The following NRG1 variants were observed in gnomAD, a reference collection of about 807,000 sequenced individuals.
NRG1 encodes pro-neuregulin-1, membrane-bound isoform.
A neutral mutation model predicts 63.8 loss-of-function variants in NRG1; 18 were observed. The observed-to-expected ratio is 0.28, with a 90% CI of 0.19 to 0.42. NRG1 has a LOEUF of 0.42. NRG1 is among the 10% of genes least tolerant of loss of function. The pLI, the probability that NRG1 is intolerant of heterozygous loss-of-function variation, is 1.00. For missense variants in NRG1, 762 were observed against 814.7 expected (o/e 0.94, Z 0.79); for synonymous variants, 302 against 301.3 (o/e 1.00, Z -0.02).
At chr8:32,650,344 A>T (rs923888171) in intron 5 of NRG1, among the ~76,000 whole-genome samples, 2 of 152,176 alleles carry the variant, frequency 1.3e-5, no homozygotes, top group African/African-American at 4.8e-5. Context: ...TTTGAAGTGC[A>T]TCGGAGATAA....
intron 1 of NRG1, among the ~76,000 whole-genome samples, chr8:32,032,744 A>G (rs1480938782): frequency 6.6e-6 from 1 of 152,146 alleles, no homozygotes; most frequent in Non-Finnish European, 1.5e-5. Context: ...CTCTAATGAA[A>G]ATTTCTTTTG....
rs145209351 is a variant in NRG1, at chr8:31,878,126, G to A, written c.37+238695G>A. Among the ~76,000 whole-genome samples the A allele has an allele frequency of 3.2e-3, 492 of 152,252 alleles. 3 individuals carry two copies. The highest frequency in any genetic ancestry group is 0.011 in the African/African-American group (468 of 41,544). The stretch of plus-strand genomic sequence containing the variant: ...GAAATAAAGTACAAACCGTCAGTCT[G>A]CATGCAAACTGTAGTTACTGTATTC... On this transcript the variant is annotated intron_variant, in intron 1 of 10. Coordinates refer to the NRG1 transcript ENST00000519301.
intron 1 of NRG1, among the ~76,000 whole-genome samples, chr8:31,934,709 AC>A (rs1198975108): frequency 6.6e-6 from 1 of 151,642 alleles, no homozygotes; most frequent in Non-Finnish European, 1.5e-5. Context: ...ATTTAATGAA[AC>A]TTTTTTTGTG....
intron 1 of NRG1, among the ~76,000 whole-genome samples, chr8:32,440,280 G>A (rs1222571610): frequency 2.6e-5 from 4 of 152,110 alleles, no homozygotes; most frequent in Non-Finnish European, 5.9e-5. Flanking sequence ...AGGTTTGGTT[G>A]TGGACACAGA....
At chr8:32,507,077 C>T (rs1370051420) in intron 1 of NRG1, among the ~76,000 whole-genome samples, 2 of 151,840 alleles carry the variant, frequency 1.3e-5, no homozygotes, top group Non-Finnish European at 2.9e-5. Flanking sequence ...GGTTTTTGCC[C>T]TCAAAATTCT....
At chr8:31,967,026 G>T (rs1006536469) in intron 1 of NRG1, among the ~76,000 whole-genome samples, 2 of 152,062 alleles carry the variant, frequency 1.3e-5, no homozygotes, top group Admixed American at 6.6e-5. Flanking sequence ...TTTTGTTTGG[G>T]ATCATATTAA....
At chr8:32,470,810 T>C (rs545866622) in intron 1 of NRG1, among the ~76,000 whole-genome samples, 115 of 152,202 alleles carry the variant, frequency 7.6e-4, no homozygotes, top group South Asian at 3.3e-3. Context: ...TCTTTTTTTT[T>C]TTCTTCTTCA....
At chr8:32,597,686 A>G (rs1046042759) in intron 2 of NRG1, among the ~76,000 whole-genome samples, 1 of 152,162 alleles carries the variant, frequency 6.6e-6, no homozygotes, top group African/African-American at 2.4e-5. Flanking sequence ...TATAACTAGT[A>G]AGAGACTCAG....
intron 1 of NRG1, among the ~76,000 whole-genome samples, chr8:32,153,867 G>T (rs553100293): frequency 6.6e-6 from 1 of 152,328 alleles, no homozygotes; most frequent in South Asian, 2.1e-4. Flanking sequence ...GGTCTGAAAA[G>T]TTAGGTGGGA....
At chr8:32,728,221 A>C in intron 6 of NRG1, 143 bp downstream of exon 6, 2 of 1,464,980 alleles carry the variant, frequency 1.4e-6, no homozygotes, top group Non-Finnish European at 9.0e-7. Flanking sequence ...AGTGTTTTAA[A>C]ACATTCACAC....
intron 1 of NRG1, among the ~76,000 whole-genome samples, chr8:32,041,358 CCCTGTCTGT>C (rs1384860924): frequency 2.0e-5 from 3 of 152,164 alleles, no homozygotes; most frequent in African/African-American, 7.2e-5. Context: ...ACATACTGTG[CCCTGTCTGT>C]CCTACTGAAT....
intron 1 of NRG1, among the ~76,000 whole-genome samples, chr8:32,459,035 T>C (rs1821966829): frequency 6.6e-6 from 1 of 152,216 alleles, no homozygotes; most frequent in African/African-American, 2.4e-5. Flanking sequence ...CATATACTGA[T>C]GACACCTAAC....
At chr8:31,785,027 C>T (rs761305252) in intron 1 of NRG1, among the ~76,000 whole-genome samples, 1 of 152,106 alleles carries the variant, frequency 6.6e-6, no homozygotes, top group Non-Finnish European at 1.5e-5. Context: ...TTCATTCAGT[C>T]CCCAGAATGG....
intron 1 of NRG1, among the ~76,000 whole-genome samples, chr8:31,673,929 C>T (rs1255524536): frequency 1.3e-5 from 2 of 151,986 alleles, no homozygotes; most frequent in Non-Finnish European, 2.9e-5. Flanking sequence ...TTCCATCATC[C>T]CCCAAAAGAA....
chr8:32,521,711 G>A (rs1220246510), intron 1 of NRG1, among the ~76,000 whole-genome samples: 2 of 152,108 alleles, frequency 1.3e-5, no homozygotes, highest in East Asian at 3.9e-4. Context: ...AATATTTCAG[G>A]AAAAGAGAGT....
At chr8:32,655,314 C>T (rs187351409) in intron 5 of NRG1, among the ~76,000 whole-genome samples, 8 of 152,104 alleles carry the variant, frequency 5.3e-5, no homozygotes, top group South Asian at 2.1e-4. Flanking sequence ...GCTAGAAACT[C>T]GAGATCAAAT....
chr8:32,541,445 C>G (rs1388105144), intron 1 of NRG1, among the ~76,000 whole-genome samples: 1 of 151,112 alleles, frequency 6.6e-6, no homozygotes, highest in Non-Finnish European at 1.5e-5. Flanking sequence ...GAAGTAATTT[C>G]CTATATACTA....
intron 4 of NRG1, among the ~76,000 whole-genome samples, chr8:32,616,478 A>C (rs187210785): frequency 2.1e-4 from 32 of 152,228 alleles, no homozygotes; most frequent in Non-Finnish European, 5.9e-5. Context: ...CTTTGGTTTC[A>C]TGTTTTCTCA....
intron 1 of NRG1, among the ~76,000 whole-genome samples, chr8:32,341,809 G>C (rs1586924198): frequency 6.6e-6 from 1 of 152,234 alleles, no homozygotes. Flanking sequence ...GAGTATTTCT[G>C]AGTTAATGAA....
Sources: allele counts gnomAD v4.1 joint callset (sites outside exome capture counted in the v4.1 genomes callset), GRCh38; gene constraint gnomAD v4.1.1; transcripts MANE v1.5; gene names NCBI Gene and HGNC (gene_info 2026-07-23, HGNC 2026-07-21).